MSRA: variants seen among roughly 807,000 people sequenced by gnomAD.
MSRA encodes the protein methionine sulfoxide reductase A.
MSRA carries 54 observed loss-of-function variants against 31.3 expected under a neutral mutation model. The ratio of observed to expected loss-of-function variants is 1.73; its 90% CI spans 1.39 to 2.17. The LOEUF (loss-of-function observed/expected upper bound fraction) is 2.17, where lower values mean the gene tolerates loss of function less well. Among genes scored for constraint, MSRA ranks in the 30% most tolerant of loss-of-function variants. The probability of loss-of-function intolerance (pLI) is 0.00; values close to 1 mark genes in which losing one functional copy is unlikely to be tolerated. For missense variants in MSRA, 507 were observed against 300.9 expected (o/e 1.69, Z -5.07); for synonymous variants, 169 against 116.5 (o/e 1.45, Z -2.90).
intron 5 of MSRA, among the ~76,000 whole-genome samples, chr8:10,373,066 T>A (rs778032131): frequency 1.1e-4 from 16 of 152,172 alleles, no homozygotes; most frequent in Non-Finnish European, 1.9e-4. Flanking sequence ...AATTTTTGTA[T>A]TTTTAGTAGA....
intron 3 of MSRA, among the ~76,000 whole-genome samples, chr8:10,282,925 C>T (rs956787637): frequency 2.6e-5 from 4 of 152,070 alleles, no homozygotes; most frequent in African/African-American, 7.2e-5. Context: ...CTTCCACCTC[C>T]CTCCAGAAAA....
In MSRA at chr8:10,090,200, G is replaced by C. The variant is rs544255589; in HGVS notation, c.142+35542G>C. 5.3e-5 allele frequency among the ~76,000 whole-genome samples: 8 copies of C among 152,328 alleles called. No homozygotes were observed. The South Asian group carries it at 1.7e-3, about 32-fold the overall frequency. ...AATTCCCTAGGGCCTGGCAGTGTGAGTTGGAAGACAAAAATGACTGGGTGC... is the reference window on the plus strand; with the variant it reads ...AATTCCCTAGGGCCTGGCAGTGTGACTTGGAAGACAAAAATGACTGGGTGC... On this transcript the variant is annotated intron_variant, in intron 1 of 5. Coordinates refer to ENST00000317173, the MANE Select transcript of MSRA (RefSeq NM_012331.5).
At chr8:10,075,923 A>C (rs1284809022) in intron 1 of MSRA, among the ~76,000 whole-genome samples, 1 of 152,154 alleles carries the variant, frequency 6.6e-6, no homozygotes, top group Non-Finnish European at 1.5e-5. Context: ...ATGCTTGCTT[A>C]TTACCTCTCT....
chr8:10,332,478 A>G (rs957115719), intron 5 of MSRA, among the ~76,000 whole-genome samples: 1 of 148,240 alleles, frequency 6.7e-6, no homozygotes, highest in African/African-American at 2.5e-5. Context: ...ATGCCTAGCA[A>G]TAGGGATAAA....
intron 1 of MSRA, among the ~76,000 whole-genome samples, chr8:10,199,186 G>A (rs914054608): frequency 2.6e-5 from 4 of 152,138 alleles, no homozygotes; most frequent in Admixed American, 6.5e-5. Context: ...AGGGCCGCTG[G>A]GTTCCTCTTG....
chr8:10,085,409 C>A (rs1197614522), intron 1 of MSRA, among the ~76,000 whole-genome samples: 1 of 152,204 alleles, frequency 6.6e-6, no homozygotes, highest in Non-Finnish European at 1.5e-5. Flanking sequence ...GTGTATTTGG[C>A]AGTCATTTCT....
chr8:10,388,294 C>G (rs1036790024), intron 5 of MSRA, among the ~76,000 whole-genome samples: 1 of 152,182 alleles, frequency 6.6e-6, no homozygotes, highest in African/African-American at 2.4e-5. Context: ...GAGGCTGTGC[C>G]TTCTCCCTCG....
intron 1 of MSRA, among the ~76,000 whole-genome samples, chr8:10,179,335 G>A (rs1031060182): frequency 2.6e-5 from 4 of 152,140 alleles, no homozygotes; most frequent in Admixed American, 6.5e-5. Flanking sequence ...CTTTCTAATC[G>A]TGGGACTTTG....
intron 1 of MSRA, among the ~76,000 whole-genome samples, chr8:10,138,979 C>T (rs945537891): frequency 1.3e-5 from 2 of 152,190 alleles, no homozygotes. Flanking sequence ...CAGTCTCAGT[C>T]CCTGAGGAGT....
chr8:10,302,994 T>A (rs1025176822), intron 4 of MSRA, among the ~76,000 whole-genome samples: 1 of 152,144 alleles, frequency 6.6e-6, no homozygotes, highest in African/African-American at 2.4e-5. Context: ...GCAGTGAGGA[T>A]CATAAATCAG....
At chr8:10,064,328 C>T (rs922181999) in intron 1 of MSRA, among the ~76,000 whole-genome samples, 3 of 151,818 alleles carry the variant, frequency 2.0e-5, no homozygotes, top group Non-Finnish European at 4.4e-5. Flanking sequence ...AGCTCGGGCT[C>T]TTATGAAAGG....
At chr8:10,311,535 G>A (rs1243971060) in intron 4 of MSRA, among the ~76,000 whole-genome samples, 1 of 152,086 alleles carries the variant, frequency 6.6e-6, no homozygotes, top group African/African-American at 2.4e-5. Context: ...GGCTCAGTAT[G>A]TTTCAAAGGG....
chr8:10,286,132 G>A (rs547643736), intron 3 of MSRA, among the ~76,000 whole-genome samples: 2 of 152,204 alleles, frequency 1.3e-5, no homozygotes, highest in South Asian at 4.2e-4. Context: ...GTCCATTCTA[G>A]GATCTTCTTC....
intron 5 of MSRA, among the ~76,000 whole-genome samples, chr8:10,356,034 C>A (rs568880766): frequency 7.2e-5 from 11 of 152,326 alleles, no homozygotes; most frequent in Admixed American, 5.2e-4. Context: ...GCAGCCCAGA[C>A]TGCTGTGCCA....
Position 10,089,271 on chromosome 8 carries a change from A to G in MSRA, c.142+34613A>G, listed in dbSNP as rs142984708. Among the ~76,000 whole-genome samples, 83 of 152,310 alleles carry G rather than the reference A, an allele frequency of 5.4e-4. 1 individual carries two copies. The highest frequency in any genetic ancestry group is 1.8e-3 in the African/African-American group (73 of 41,560). ...GTCAAACTCAAAAATACACAGTAAA[A>G]TTTATTTTTTTAAAAAGAACAAAGC... On this transcript the variant is annotated intron_variant, in intron 1 of 5. Coordinates refer to ENST00000317173, the MANE Select transcript of MSRA (RefSeq NM_012331.5).
intron 2 of MSRA, among the ~76,000 whole-genome samples, chr8:10,221,530 A>C (rs1299220506): frequency 1.3e-5 from 2 of 152,108 alleles, no homozygotes; most frequent in African/African-American, 4.8e-5. Context: ...TCAGGCTACT[A>C]GTTAATGGCA....
chr8:10,111,506 T>G (rs1232319916), intron 1 of MSRA, among the ~76,000 whole-genome samples: 1 of 152,196 alleles, frequency 6.6e-6, no homozygotes, highest in Non-Finnish European at 1.5e-5. Context: ...TCTTCACTCC[T>G]GCAGTAAGGG....
At chr8:10,140,654 C>A (rs867474999) in intron 1 of MSRA, among the ~76,000 whole-genome samples, 1 of 152,084 alleles carries the variant, frequency 6.6e-6, no homozygotes, top group African/African-American at 2.4e-5. Flanking sequence ...GATTTTTCTG[C>A]AGCAGGGATG....
Position 10,319,947 on chromosome 8 carries a change from G to A in MSRA, c.501G>A (p.Lys167=). ...CGGCCATCTACCCGACCTCTGCCAA[G>A]CAAATGGAGGCAGCCCTGAGCTCCA... ...YRSAIYPTSA[K]QMEAALSSKE... is the part of the protein sequence containing the mutation. The change falls in exon 5 of 6, where the codon AAG becomes AAA. Residue 167 remains lysine, a synonymous_variant. Coordinates refer to ENST00000317173, the MANE Select transcript of MSRA (RefSeq NM_012331.5). 1.9e-6 allele frequency: 3 copies of A among 1,602,122 alleles called. No homozygotes were observed. Among genetic ancestry groups the A allele is most frequent in the Non-Finnish European group, 2.6e-6 (3 of 1,174,592 alleles).
Sources: allele counts gnomAD v4.1 joint callset (sites outside exome capture counted in the v4.1 genomes callset), GRCh38; gene constraint gnomAD v4.1.1; transcripts MANE v1.5; gene names NCBI Gene and HGNC (gene_info 2026-07-23, HGNC 2026-07-21).